ERBB4: variants seen among roughly 807,000 people sequenced by gnomAD.
ERBB4 encodes erb-b2 receptor tyrosine kinase 4, also known as receptor tyrosine-protein kinase erbB-4.
ERBB4 carries 42 observed loss-of-function variants against 158.0 expected under a neutral mutation model. The ratio of observed to expected loss-of-function variants is 0.27; its 90% confidence interval spans 0.21 to 0.34. ERBB4 has a LOEUF of 0.34. Among genes scored for constraint, ERBB4 ranks in the 10% least tolerant of loss-of-function variants. ERBB4 has a pLI of 1.00. For missense variants in ERBB4, 1,333 were observed against 1,624.1 expected, an observed-to-expected ratio of 0.82 and a Z score of 3.08; for synonymous variants, 583 against 558.7, an observed-to-expected ratio of 1.04 and a Z score of -0.61.
In ERBB4 at chr2:211,730,026, G is replaced by A. The variant is rs147768215; in HGVS notation, c.623-4832C>T. 1.5e-3 allele frequency among the ~76,000 whole-genome samples: 232 copies of A among 151,940 alleles called. 2 individuals carry two copies. Among genetic ancestry groups the A allele is most frequent in the African/African-American group, 5.3e-3 (219 of 41,482 alleles). ...TTCAAAATATCCATGAGAATTAGACGGGTAACATTTAAGGAATCAAACAAT... is the reference window on the plus strand; with the variant it reads ...TTCAAAATATCCATGAGAATTAGACAGGTAACATTTAAGGAATCAAACAAT... On this transcript the variant is annotated intron_variant, in intron 5 of 27. Transcript: ENST00000342788.
At chr2:211,388,399 T>C (rs1248979523) in intron 25 of ERBB4, among the ~76,000 whole-genome samples, 1 of 152,166 alleles carries the variant, frequency 6.6e-6, no homozygotes, top group Non-Finnish European at 1.5e-5. Flanking sequence ...CTGTTATTTT[T>C]TCTCTTAGAA....
intron 1 of ERBB4, among the ~76,000 whole-genome samples, chr2:212,295,020 A>T (rs1185345771): frequency 6.6e-6 from 1 of 152,082 alleles, no homozygotes; most frequent in Non-Finnish European, 1.5e-5. Context: ...GAGGCAGCAT[A>T]GGGAGAACCA....
chr2:211,632,927 C>T (rs929747143), intron 16 of ERBB4, among the ~76,000 whole-genome samples: 4 of 152,082 alleles, frequency 2.6e-5, no homozygotes, highest in African/African-American at 9.7e-5. Context: ...ACTAAAATTT[C>T]TGTACTTAAA....
rs796509750 is a variant in ERBB4, at chr2:211,831,825, C to A, written c.422-43666G>T. 1.1e-4 allele frequency among the ~76,000 whole-genome samples: 17 copies of A among 152,166 alleles called. 2 individuals carry two copies. Among genetic ancestry groups the A allele is most frequent in the African/African-American group, 4.1e-4 (17 of 41,522 alleles). On this transcript the variant is annotated intron_variant, in intron 3 of 27. Transcript: ENST00000342788. ...GGCTGAGGCAGGAGAATCACTTGAA[C>A]CTGGGAGGCAGAGGTTGCAGTGAGC...
In ERBB4 at chr2:211,536,147, AAG is replaced by A. The variant is rs147293570; in HGVS notation, c.2487+25754_2487+25755del. ...CTCTTCCTGCCCTAGCCCTTTGGAG[AAG>A]AGATTAAAATGACACCAAAAGAAAA... On this transcript the variant is annotated intron_variant, in intron 20 of 27. Transcript: ENST00000342788. Among the ~76,000 whole-genome samples, 1,026 of 152,140 alleles carry A rather than the reference AAG, an allele frequency of 6.7e-3. 14 individuals carry two copies. The highest frequency in any genetic ancestry group is 0.023 in the African/African-American group (944 of 41,528).
At chr2:212,503,199 A>G (rs1476789935) in intron 1 of ERBB4, among the ~76,000 whole-genome samples, 1 of 152,250 alleles carries the variant, frequency 6.6e-6, no homozygotes, top group Non-Finnish European at 1.5e-5. Context: ...AAGCTACTGT[A>G]ACACAGGGTT....
chr2:211,624,121 C>G (rs1225658954), intron 17 of ERBB4, 77 bp from the exon 18 acceptor site: 3 of 1,537,590 alleles, frequency 2.0e-6, no homozygotes, highest in South Asian at 2.3e-5. Context: ...CTCTCTCTCT[C>G]TCTTTGGTTC....
At chr2:212,034,948 G>T (rs2076980251) in intron 2 of ERBB4, among the ~76,000 whole-genome samples, 1 of 152,144 alleles carries the variant, frequency 6.6e-6, no homozygotes, top group Non-Finnish European at 1.5e-5. Flanking sequence ...ATGACTCCAT[G>T]AAAATTAGGT....
At position 212,462,941 on chromosome 2, in the gene ERBB4, G is replaced by T. The variant is rs560716114; in HGVS notation, c.82+75508C>A. On this transcript the variant is annotated intron_variant, in intron 1 of 27. Transcript: ENST00000342788. ...TCAGCCATAAAAAAGAATGAAATCT[G>T]TCATTTATGGCAACATGGATGAGCC... 2.0e-5 allele frequency among the ~76,000 whole-genome samples: 3 copies of T among 152,190 alleles called. No homozygotes were observed. The East Asian group carries it at 5.8e-4, about 29-fold the overall frequency.
chr2:212,166,765 C>G (rs551100710), intron 1 of ERBB4, among the ~76,000 whole-genome samples: 1 of 152,106 alleles, frequency 6.6e-6, no homozygotes, highest in African/African-American at 2.4e-5. Context: ...TGGAGCAGAA[C>G]AGAGGCCTCA....
intron 19 of ERBB4, among the ~76,000 whole-genome samples, chr2:211,567,209 C>T (rs960001421): frequency 2.0e-5 from 3 of 152,150 alleles, no homozygotes; most frequent in Non-Finnish European, 4.4e-5. Flanking sequence ...AGTAAACACT[C>T]AGGATTTTTA....
chr2:211,863,259 C>T (rs760734032), intron 3 of ERBB4, among the ~76,000 whole-genome samples: 21 of 152,086 alleles, frequency 1.4e-4, no homozygotes, highest in Non-Finnish European at 2.4e-4. Flanking sequence ...ATCTGTAAAA[C>T]GAACCAATCA....
At chr2:212,032,987 T>C (rs1039042540) in intron 2 of ERBB4, among the ~76,000 whole-genome samples, 12 of 151,926 alleles carry the variant, frequency 7.9e-5, no homozygotes, top group African/African-American at 2.9e-4. Context: ...CTTAGCAAGA[T>C]GACTAATTTC....
intron 1 of ERBB4, among the ~76,000 whole-genome samples, chr2:212,210,213 C>CAAAAAAAA (rs58137267): frequency 7.4e-6 from 1 of 135,646 alleles, no homozygotes. Context: ...AATGCTAGTG[C>CAAAAAAAA]AAAAAAAAAA....
At chr2:211,541,951 C>A (rs892046926) in intron 20 of ERBB4, among the ~76,000 whole-genome samples, 1 of 151,972 alleles carries the variant, frequency 6.6e-6, no homozygotes, top group African/African-American at 2.4e-5. Flanking sequence ...TTTAGAAAGA[C>A]TGACTGGAGC....
chr2:212,321,018 A>G (rs1401372513), intron 1 of ERBB4, among the ~76,000 whole-genome samples: 2 of 150,296 alleles, frequency 1.3e-5, no homozygotes, highest in Non-Finnish European at 3.0e-5. Context: ...CCCTATTACC[A>G]GAAGTTAAAT....
chr2:212,251,785 T>C (rs554398120), intron 1 of ERBB4, among the ~76,000 whole-genome samples: 4 of 151,960 alleles, frequency 2.6e-5, no homozygotes. Context: ...GGTCAGACCA[T>C]GTAGTTATTT....
intron 1 of ERBB4, among the ~76,000 whole-genome samples, chr2:212,126,619 T>G (rs2079938717): frequency 6.6e-6 from 1 of 152,140 alleles, no homozygotes; most frequent in South Asian, 2.1e-4. Context: ...TATAAATCTA[T>G]TAATAATGGT....
At chr2:212,336,046 T>A (rs551684919) in intron 1 of ERBB4, among the ~76,000 whole-genome samples, 1 of 152,132 alleles carries the variant, frequency 6.6e-6, no homozygotes, top group South Asian at 2.1e-4. Context: ...TTTCTCACAC[T>A]GCTCCAGTTT....
Sources: allele counts gnomAD v4.1 joint callset (sites outside exome capture counted in the v4.1 genomes callset), GRCh38; gene constraint gnomAD v4.1.1; transcripts MANE v1.5; gene names NCBI Gene and HGNC (gene_info 2026-07-23, HGNC 2026-07-21).